The following MTMR3 variants were observed in gnomAD, a reference collection of about 807,000 sequenced individuals.
MTMR3 encodes the protein myotubularin related protein 3, also known as phosphatidylinositol-3,5-bisphosphate 3-phosphatase MTMR3.
Under a neutral mutation model 132.4 loss-of-function variants are expected in MTMR3, and 32 were observed. The ratio of observed to expected loss-of-function variants is 0.24; its 90% CI spans 0.18 to 0.32. The LOEUF is 0.32. Ranked by LOEUF, MTMR3 falls within the 10% of genes least tolerant of loss-of-function variation. The probability of loss-of-function intolerance (pLI) is 1.00; values close to 1 mark genes in which losing one functional copy is unlikely to be tolerated. For missense variants in MTMR3, 1,216 were observed against 1,489.6 expected (o/e 0.82, Z 3.02); for synonymous variants, 556 against 550.3 (o/e 1.01, Z -0.14).
At chr22:29,908,880 G>A (rs1268190030) in intron 1 of MTMR3, among the ~76,000 whole-genome samples, 3 of 152,098 alleles carry the variant, frequency 2.0e-5, no homozygotes, top group Admixed American at 2.0e-4. Context: ...CCAAAGTGCT[G>A]TCATTTATTT....
At position 30,022,117 on chromosome 22, in the gene MTMR3, A is replaced by G. The variant is rs780198896; in HGVS notation, c.3314A>G (p.Gln1105Arg). Reference sequence around the variant, plus strand: ...ATTTTCTCTGAAGCCAGCTGGGAGCAGGTGGATAAACAGGACACAGAGGTA... The same window carrying G: ...ATTTTCTCTGAAGCCAGCTGGGAGCGGGTGGATAAACAGGACACAGAGGTA... ...TEIFSEASWE[Q>R]VDKQDTEMTR... Residue 1105 changes from glutamine (Q) to arginine (R), a missense_variant, in exon 18 of 20, where the codon CAG (glutamine) becomes CGG (arginine). Gln to Arg is a conservative substitution (Grantham distance 43, BLOSUM62 1). Coordinates refer to ENST00000401950, the MANE Select transcript of MTMR3 (RefSeq NM_021090.4). The G allele has an allele frequency of 6.8e-6, 11 of 1,613,868 alleles. No homozygotes were observed. The South Asian group carries it at 9.9e-5, about 14-fold the overall frequency.
In MTMR3 at chr22:29,978,571, G is replaced by A. The variant is rs531670413; in HGVS notation, c.93+40G>A. ...CTTTTAAATGTAAAATATTTATTTA[G>A]CATTAACTGTATAGCAGAGTTAATG... On this transcript the variant is annotated intron_variant, in intron 4 of 19. Transcript: ENST00000401950. 11 of 1,492,310 alleles carry A rather than the reference G, an allele frequency of 7.4e-6. No homozygotes were observed. In the East Asian group the frequency reaches 1.8e-4, roughly 25 times the overall value. 92.4% of individuals were successfully genotyped at this position (1,492,310 alleles called of 1,614,324 possible). A position where few individuals can be genotyped will look rare whatever the true frequency, so the allele number is the denominator to read the frequency against.
chr22:29,906,134 G>T (rs2065089261), intron 1 of MTMR3, among the ~76,000 whole-genome samples: 1 of 152,096 alleles, frequency 6.6e-6, no homozygotes, highest in African/African-American at 2.4e-5. Flanking sequence ...GGGACTAGGT[G>T]TGTACCACTG....
intron 1 of MTMR3, among the ~76,000 whole-genome samples, chr22:29,928,862 G>A (rs902093578): frequency 2.6e-5 from 4 of 152,108 alleles, no homozygotes; most frequent in Non-Finnish European, 4.4e-5. Context: ...CGACTTTGTT[G>A]AAATATATCA....
At position 29,970,965 on chromosome 22, in the gene MTMR3, C is replaced by T. The variant is rs6006317; in HGVS notation, c.-84-11C>T. ...TTTTTTCTTCTTCCCCCTCTTCCCC[C>T]CCACCCCCAGACTTCACCATAAGGG... On this transcript the variant is annotated splice_polypyrimidine_tract_variant and intron_variant, in intron 2 of 19. Transcript: ENST00000401950. The T allele has an allele frequency of 0.011, 10,619 of 949,110 alleles. 1,016 individuals are homozygous for T. The African/African-American group carries it at 0.16, about 15-fold the overall frequency. The allele number at this position is 949,110 out of a possible 1,614,324, so 58.8% of individuals were successfully genotyped here.
chr22:30,022,249 G>A, intron 18 of MTMR3, 110 bp downstream of exon 18: 1 of 826,910 alleles, frequency 1.2e-6, no homozygotes, highest in Non-Finnish European at 2.0e-6. Context: ...TCCCAGCACA[G>A]CTAGCCCTGA....
chr22:29,968,153 G>A (rs2066466238), intron 2 of MTMR3, among the ~76,000 whole-genome samples: 1 of 152,012 alleles, frequency 6.6e-6, no homozygotes, highest in African/African-American at 2.4e-5. Flanking sequence ...AACTTTTTTG[G>A]GAACTGCCAC....
intron 2 of MTMR3, among the ~76,000 whole-genome samples, chr22:29,963,344 A>G (rs1370164371): frequency 2.6e-5 from 4 of 151,404 alleles, no homozygotes; most frequent in Non-Finnish European, 4.4e-5. Flanking sequence ...CATCTTTTCA[A>G]AGTGTTGGGA....
In MTMR3 at chr22:30,026,062, T is replaced by C. The variant is rs1156693432; in HGVS notation, c.*261T>C. On this transcript the variant is annotated 3_prime_UTR_variant, in exon 20 of 20. Transcript: ENST00000401950. ...TGGTTGTCTTAATTTTTTTTTTTTT[T>C]GATGGAAGACCAAGGGTTGCCAGGC... The C allele has an allele frequency of 2.6e-6, 1 of 378,904 alleles. No homozygotes were observed. The highest frequency in any genetic ancestry group is 4.8e-6 in the Non-Finnish European group (1 of 209,156). The allele number at this position is 378,904 out of a possible 1,614,324, so 23.5% of individuals were successfully genotyped here. A position where few individuals can be genotyped will look rare whatever the true frequency, so the allele number is the denominator to read the frequency against.
At chr22:29,885,897 GTT>G in intron 1 of MTMR3, among the ~76,000 whole-genome samples, 1 of 152,314 alleles carries the variant, frequency 6.6e-6, no homozygotes, top group East Asian at 1.9e-4. Flanking sequence ...GTTCTTACAA[GTT>G]TGGAAGAGGT....
chr22:29,920,909 G>A lies in MTMR3; in HGVS notation c.-137-36127G>A, dbSNP rs1248097525. Among the ~76,000 whole-genome samples the A allele has an allele frequency of 2.3e-5, 3 of 131,838 alleles. No individual in the cohort carries two copies. The East Asian group carries it at 7.0e-4, about 31-fold the overall frequency. The allele number at this position is 131,838 out of a possible 152,430, so 86.5% of individuals were successfully genotyped here. ...TTTACTAAATTTTGTTCATTCTAAA[G>A]ACTTTTAAAAAGCTTACACATCTAA... On this transcript the variant is annotated intron_variant, in intron 1 of 19. Transcript: ENST00000401950.
rs2067942400 is a variant in MTMR3, at chr22:30,027,879, A to G, written c.*2078A>G. The G allele has an allele frequency of 6.6e-6, 1 of 152,232 alleles. No individual in the cohort carries two copies. Among genetic ancestry groups the G allele is most frequent in the African/African-American group, 2.4e-5 (1 of 41,382 alleles). The allele number at this position is 152,232 out of a possible 1,614,324, so 9.4% of individuals were successfully genotyped here. ...ATGGTAGCATTTGCTAACACTTCCT[A>G]ATTCTTTGCCCTGTGGTTTATCCCC... On this transcript the variant is annotated 3_prime_UTR_variant, in exon 20 of 20. Coordinates refer to ENST00000401950, the MANE Select transcript of MTMR3 (RefSeq NM_021090.4).
intron 2 of MTMR3, among the ~76,000 whole-genome samples, chr22:29,961,784 G>A (rs1369132056): frequency 1.3e-5 from 2 of 152,166 alleles, no homozygotes; most frequent in East Asian, 1.9e-4. Flanking sequence ...AGTCCTACAA[G>A]CACCATTCAT....
chr22:29,989,823 G>A (rs1160075870), intron 6 of MTMR3: 1 of 152,134 alleles, frequency 6.6e-6, no homozygotes. Flanking sequence ...TTTCTCTCTT[G>A]CAACTAAAAA....
chr22:29,897,668 G>A lies in MTMR3; in HGVS notation c.-138+14309G>A, dbSNP rs143495121. On this transcript the variant is annotated intron_variant, in intron 1 of 19. Coordinates refer to ENST00000401950, the MANE Select transcript of MTMR3 (RefSeq NM_021090.4). ...GGGTTTCACTATGTTGGCCAGGCTG[G>A]TTTTGAACTGGCCTCAAGTGATCTG... Among the ~76,000 whole-genome samples the A allele has an allele frequency of 7.7e-3, 1,178 of 152,102 alleles. 15 individuals carry two copies. The highest frequency in any genetic ancestry group is 0.027 in the African/African-American group (1,112 of 41,480).
At position 29,934,309 on chromosome 22, in the gene MTMR3, G is replaced by C. The variant is rs780303141; in HGVS notation, c.-137-22727G>C. On this transcript the variant is annotated intron_variant, in intron 1 of 19. Transcript: ENST00000401950. ...GCGGGGCTTGCAGTGAGCTGAGATCGTGCCACTGCACTCCAGCCTGGGCGG... is the reference window on the plus strand; with the variant it reads ...GCGGGGCTTGCAGTGAGCTGAGATCCTGCCACTGCACTCCAGCCTGGGCGG... Among the ~76,000 whole-genome samples the C allele has an allele frequency of 2.3e-4, 35 of 152,068 alleles. 2 individuals are homozygous for C. Among genetic ancestry groups the C allele is most frequent in the Non-Finnish European group, 2.9e-5 (2 of 68,022 alleles).
chr22:30,002,474 T>C (rs944927848), intron 8 of MTMR3: 1 of 153,562 alleles, frequency 6.5e-6, no homozygotes, highest in African/African-American at 2.4e-5. Flanking sequence ...GTTCTGTAAT[T>C]GGACTGGGCG....
chr22:29,906,232 TTATC>T (rs2065091096), intron 1 of MTMR3, among the ~76,000 whole-genome samples: 2 of 151,184 alleles, frequency 1.3e-5, no homozygotes, highest in East Asian at 1.9e-4. Context: ...TGTCTCACAT[TTATC>T]CATCCATCCG....
rs574487394 is a variant in MTMR3, at chr22:29,897,557, A to AT, written c.-138+14200dup. Among the ~76,000 whole-genome samples, 676 of 151,892 alleles carry AT rather than the reference A, an allele frequency of 4.5e-3. 6 individuals carry two copies. The highest frequency in any genetic ancestry group is 0.015 in the African/African-American group (639 of 41,410). On this transcript the variant is annotated intron_variant, in intron 1 of 19. Transcript: ENST00000401950. ...ACCCTCCATCTCCCAGGTTCAAGTG[A>AT]TTCTTGTGCCTCGGCCTTTTGAGTA...
Sources: allele counts gnomAD v4.1 joint callset (sites outside exome capture counted in the v4.1 genomes callset), GRCh38; gene constraint gnomAD v4.1.1; transcripts MANE v1.5; gene names NCBI Gene and HGNC (gene_info 2026-07-23, HGNC 2026-07-21).